TCAF2: variants seen among roughly 807,000 people sequenced by gnomAD.
The protein encoded by TCAF2 is TRPM8 channel associated factor 2, also known as TRPM8 channel-associated factor 2.
Under a neutral mutation model 33.9 loss-of-function variants are expected in TCAF2, and 6 were observed. That is an observed-to-expected ratio of 0.18 (90% CI 0.10 to 0.35). The LOEUF is 0.35. Among genes scored for constraint, TCAF2 ranks in the 10% least tolerant of loss-of-function variants. The probability of loss-of-function intolerance (pLI) is 1.00; values close to 1 mark genes in which losing one functional copy is unlikely to be tolerated. For synonymous variants in TCAF2, 41 were observed against 247.8 expected, an observed-to-expected ratio of 0.17 and a Z score of 7.84; for missense variants, 109 against 604.0, an observed-to-expected ratio of 0.18 and a Z score of 8.59.
Position 143,730,207 on chromosome 7 carries a change from A to T in TCAF2, c.*2540A>T, listed in dbSNP as rs1212326050. ...CATTGTCTTCCACAATGGTTGAACT[A>T]ATTTACACTCCCAACAACAGTGTAA... On this transcript the variant is annotated 3_prime_UTR_variant, in exon 8 of 8. Transcript: ENST00000684770. 2.0e-5 allele frequency: 3 copies of T among 152,110 alleles called. No individual in the cohort carries two copies. Among genetic ancestry groups the T allele is most frequent in the Non-Finnish European group, 4.4e-5 (3 of 68,024 alleles). The allele number at this position is 152,110 out of a possible 1,614,324, so 9.4% of individuals were successfully genotyped here.
At chr7:143,725,767 T>C (rs1189061867) in intron 7 of TCAF2, among the ~76,000 whole-genome samples, 1 of 118,574 alleles carries the variant, frequency 8.4e-6, no homozygotes, top group Admixed American at 9.4e-5. Context: ...AATTCTGTCC[T>C]AGTCTGCTAC....
chr7:143,725,412 T>C (rs956297135), intron 7 of TCAF2, among the ~76,000 whole-genome samples: 4 of 152,064 alleles, frequency 2.6e-5, no homozygotes, highest in Non-Finnish European at 4.4e-5. Flanking sequence ...TCTCCTGCAA[T>C]GTCTCCCACA....
In TCAF2 at chr7:143,724,753, G is replaced by A. The variant is rs571714770; in HGVS notation, c.2505+56G>A. The A allele has an allele frequency of 3.5e-5, 45 of 1,299,994 alleles. 2 individuals carry two copies. The highest frequency in any genetic ancestry group is 5.6e-4 in the Middle Eastern group (2 of 3,566). The allele number at this position is 1,299,994 out of a possible 1,614,324, so 80.5% of individuals were successfully genotyped here. A position where few individuals can be genotyped will look rare whatever the true frequency, so the allele number is the denominator to read the frequency against. ...TGACCAGACCCCTCAGTCATGTAGC[G>A]ACCTGGATCCCAGTAGCCCTCCACC... On this transcript the variant is annotated intron_variant, in intron 7 of 7. Transcript: ENST00000684770.
In TCAF2 at chr7:143,729,194, A is replaced by T. The variant is rs1809755360; in HGVS notation, c.*1527A>T. 6.6e-6 allele frequency: 1 copy of T among 152,186 alleles called. No homozygotes were observed. Among genetic ancestry groups the T allele is most frequent in the Admixed American group, 6.5e-5 (1 of 15,282 alleles). 9.4% of individuals were successfully genotyped at this position (152,186 alleles called of 1,614,324 possible). A position where few individuals can be genotyped will look rare whatever the true frequency, so the allele number is the denominator to read the frequency against. On this transcript the variant is annotated 3_prime_UTR_variant, in exon 8 of 8. Coordinates refer to ENST00000684770, the MANE Select transcript of TCAF2 (RefSeq NM_001363538.2). ...AGTGATTTAATGTTATCTTCCCAGCAGACCTCTGAGGTAGGTACTAGTATG... is the reference window on the plus strand; with the variant it reads ...AGTGATTTAATGTTATCTTCCCAGCTGACCTCTGAGGTAGGTACTAGTATG...
Position 143,730,362 on chromosome 7 carries a change from T to C in TCAF2, c.*2695T>C, listed in dbSNP as rs1380652030. ...TTTACATTTCCCTAATGACCAGTAA[T>C]GATGAGCTTTTTTTCATGTTTATTG... On this transcript the variant is annotated 3_prime_UTR_variant, in exon 8 of 8. Coordinates refer to ENST00000684770, the MANE Select transcript of TCAF2 (RefSeq NM_001363538.2). The C allele has an allele frequency of 1.3e-5, 2 of 152,208 alleles. No homozygotes were observed. Among genetic ancestry groups the C allele is most frequent in the Non-Finnish European group, 2.9e-5 (2 of 68,046 alleles). 9.4% of individuals were successfully genotyped at this position (152,208 alleles called of 1,614,324 possible).
rs1221848349 is a variant in TCAF2 at position 143,729,750 on chromosome 7, C to G, written c.*2083C>G. The G allele has an allele frequency of 1.3e-5, 2 of 152,110 alleles. No homozygotes were observed. Among genetic ancestry groups the G allele is most frequent in the Admixed American group, 6.5e-5 (1 of 15,280 alleles). 9.4% of individuals were successfully genotyped at this position (152,110 alleles called of 1,614,324 possible). On this transcript the variant is annotated 3_prime_UTR_variant, in exon 8 of 8. Transcript: ENST00000684770. The stretch of plus-strand genomic sequence containing the variant: ...TGCATTAGATATTTGTCCTAATGCT[C>G]TCCCTCCCATTGCCCCCAACCTCCC...
chr7:143,707,394 G>T (rs1809240769), intron 2 of TCAF2, among the ~76,000 whole-genome samples: 1 of 60,842 alleles, frequency 1.6e-5, no homozygotes, highest in South Asian at 9.1e-4. Flanking sequence ...TTGATTTCTT[G>T]ATACAAATTT....
chr7:143,635,157 C>A (rs1808918269), intron 1 of TCAF2, among the ~76,000 whole-genome samples: 1 of 46,314 alleles, frequency 2.2e-5, no homozygotes, highest in African/African-American at 7.6e-5. Flanking sequence ...TTGATTACTA[C>A]CAGTAGACTT....
chr7:143,724,507 C>G lies in TCAF2; in HGVS notation c.2315C>G (p.Pro772Arg), dbSNP rs752460113. ...NQQRHGWEFP[P>R]HTTEATCNLW... ...CAGCGGCATGGATGGGAGTTCCCCCCACACACTACTGAGGCCACCTGTAAC... is the reference window on the plus strand; with the variant it reads ...CAGCGGCATGGATGGGAGTTCCCCCGACACACTACTGAGGCCACCTGTAAC... The change falls in exon 7 of 8, where the codon CCA becomes CGA. Residue 772 changes from proline (P) to arginine (R), a missense_variant. Transcript: ENST00000684770. 2 of 1,611,178 alleles carry G rather than the reference C, an allele frequency of 1.2e-6. No individual in the cohort carries two copies. Among genetic ancestry groups the G allele is most frequent in the East Asian group, 2.2e-5 (1 of 44,880 alleles).
At chr7:143,724,892 G>A in intron 7 of TCAF2, 195 bp downstream of exon 7, 1 of 1,412,120 alleles carries the variant, frequency 7.1e-7, no homozygotes, top group East Asian at 2.5e-5. Context: ...AATGGCACCT[G>A]TCTCACTCAC....
rs937819935 is a variant in TCAF2 at position 143,725,492 on chromosome 7, T to A, written c.2505+795T>A. ...ACACTATTTTAAAGAATTTAAGCAATCTCTCCAGTAGCCCCCATTTAAGTG... is the reference window on the plus strand; with the variant it reads ...ACACTATTTTAAAGAATTTAAGCAAACTCTCCAGTAGCCCCCATTTAAGTG... On this transcript the variant is annotated intron_variant, in intron 7 of 7. Transcript: ENST00000684770. Among the ~76,000 whole-genome samples, 10 of 151,816 alleles carry A rather than the reference T, an allele frequency of 6.6e-5. 1 individual carries two copies. The highest frequency in any genetic ancestry group is 2.4e-4 in the African/African-American group (10 of 41,314).
chr7:143,635,197 T>G (rs1484722650), intron 1 of TCAF2, among the ~76,000 whole-genome samples: 1 of 28,802 alleles, frequency 3.5e-5, no homozygotes, highest in Admixed American at 5.5e-4. Context: ...AAAAAATATA[T>G]AAATTGTTAG....
intron 7 of TCAF2, 184 bp downstream of exon 7, chr7:143,724,881 G>T (rs1180227553): frequency 2.4e-5 from 35 of 1,447,010 alleles, no homozygotes; most frequent in Admixed American, 1.4e-4. Flanking sequence ...AAGGCAGAGA[G>T]AATGGCACCT....
Position 143,724,478 on chromosome 7 carries a change from C to T in TCAF2, c.2286C>T (p.Asn762=), listed in dbSNP as rs1454753932. Residue 762 remains asparagine (N), a synonymous_variant, in exon 7 of 8, where the codon AAC becomes AAT. Coordinates refer to ENST00000684770, the MANE Select transcript of TCAF2 (RefSeq NM_001363538.2). ...GCCCCATCCATGAGCTGGGCCACAACCAACAGCGGCATGGATGGGAGTTCC... is the reference window on the plus strand; with the variant it reads ...GCCCCATCCATGAGCTGGGCCACAATCAACAGCGGCATGGATGGGAGTTCC... The part of the protein sequence containing the change: ...VWGPIHELGH[N]QQRHGWEFPP... 9 of 1,611,082 alleles carry T rather than the reference C, an allele frequency of 5.6e-6. No individual in the cohort carries two copies. Among genetic ancestry groups the T allele is most frequent in the Non-Finnish European group, 7.6e-6 (9 of 1,179,576 alleles).
rs937519060 is a variant in TCAF2 at position 143,728,629 on chromosome 7, G to T, written c.*962G>T. The T allele has an allele frequency of 1.3e-5, 2 of 152,220 alleles. No individual in the cohort carries two copies. The highest frequency in any genetic ancestry group is 2.9e-5 in the Non-Finnish European group (2 of 68,080). 9.4% of individuals were successfully genotyped at this position (152,220 alleles called of 1,614,324 possible). A position where few individuals can be genotyped will look rare whatever the true frequency, so the allele number is the denominator to read the frequency against. ...ACAAAACAGGCATCTGACTCCTCTG[G>T]TCACCATGGAATCAAGGCACTGTCA... On this transcript the variant is annotated 3_prime_UTR_variant, in exon 8 of 8. Coordinates refer to ENST00000684770, the MANE Select transcript of TCAF2 (RefSeq NM_001363538.2).
chr7:143,724,568 G>A lies in TCAF2; in HGVS notation c.2376G>A (p.Gly792=). ...TCTACGTGCATGAAACAGTCCTGGG[G>A]ATCCCCAGGGCTCAGGCCCACGAGG... ...WSVYVHETVL[G]IPRAQAHEAL... is the part of the protein sequence containing the mutation. Residue 792 remains glycine, a synonymous_variant, in exon 7 of 8, where the codon GGG becomes GGA. Coordinates refer to ENST00000684770, the MANE Select transcript of TCAF2 (RefSeq NM_001363538.2). 12 of 1,610,968 alleles carry A rather than the reference G, an allele frequency of 7.4e-6. No homozygotes were observed. Among genetic ancestry groups the A allele is most frequent in the Non-Finnish European group, 1.0e-5 (12 of 1,179,542 alleles).
Position 143,720,781 on chromosome 7 carries a change from C to T in TCAF2, c.1615+107C>T, listed in dbSNP as rs757812888. 251 of 1,036,178 alleles carry T rather than the reference C, an allele frequency of 2.4e-4. 81 individuals carry two copies. Among genetic ancestry groups the T allele is most frequent in the Non-Finnish European group, 3.0e-4 (234 of 791,102 alleles). The allele number at this position is 1,036,178 out of a possible 1,614,324, so 64.2% of individuals were successfully genotyped here. On this transcript the variant is annotated intron_variant, in intron 3 of 7. Transcript: ENST00000684770. ...GGTACTTACCCTCAGGAAGATTGACCCCATTCTTTTTTTTTTTGAGACAGA... is the reference window on the plus strand; with the variant it reads ...GGTACTTACCCTCAGGAAGATTGACTCCATTCTTTTTTTTTTTGAGACAGA...
rs111657557 is a variant in TCAF2 at position 143,712,475 on chromosome 7, G to T, written c.624-7208G>T. Among the ~76,000 whole-genome samples, 486 of 102,472 alleles carry T rather than the reference G, an allele frequency of 4.7e-3. 4 individuals carry two copies. The highest frequency in any genetic ancestry group is 0.014 in the African/African-American group (443 of 31,324). The allele number at this position is 102,472 out of a possible 152,430, so 67.2% of individuals were successfully genotyped here. Reference sequence around the variant, plus strand: ...GGCTGGGAATCCAAGGCTGCAGTGTGCTATAATTGCACCTGCAAATACGCA... The same window carrying T: ...GGCTGGGAATCCAAGGCTGCAGTGTTCTATAATTGCACCTGCAAATACGCA... On this transcript the variant is annotated intron_variant, in intron 2 of 7. Transcript: ENST00000684770.
At position 143,724,500 on chromosome 7, in the gene TCAF2, T is replaced by C. The variant is rs761281493; in HGVS notation, c.2308T>C (p.Phe770Leu). The C allele has an allele frequency of 7.3e-5, 117 of 1,609,844 alleles. No homozygotes were observed. The highest frequency in any genetic ancestry group is 9.6e-5 in the Non-Finnish European group (113 of 1,179,224). The change falls in exon 7 of 8, where the codon TTC (phenylalanine) becomes CTC (leucine). Residue 770 changes from phenylalanine to leucine, a missense_variant. Transcript: ENST00000684770. ...GHNQQRHGWEFPPHTTEATCN... is the reference protein window; with the variant it reads ...GHNQQRHGWELPPHTTEATCN... ...CAACCAACAGCGGCATGGATGGGAG[T>C]TCCCCCCACACACTACTGAGGCCAC...
Sources: allele counts gnomAD v4.1 joint callset (sites outside exome capture counted in the v4.1 genomes callset), GRCh38; gene constraint gnomAD v4.1.1; transcripts MANE v1.5; gene names NCBI Gene and HGNC (gene_info 2026-07-23, HGNC 2026-07-21).